Variants in ZNF385D observed in about 807,000 individuals in gnomAD.
ZNF385D encodes the protein zinc finger protein 659.
Under a neutral mutation model 35.8 loss-of-function variants are expected in ZNF385D, and 15 were observed. The observed-to-expected ratio is 0.42, with a 90% confidence interval of 0.28 to 0.64. ZNF385D has a LOEUF of 0.64. Among genes scored for constraint, ZNF385D ranks in the 30% least tolerant of loss-of-function variants. The pLI, the probability that ZNF385D is intolerant of heterozygous loss-of-function variation, is 0.23. For missense variants in ZNF385D, 474 were observed against 494.6 expected (o/e 0.96, Z 0.39); for synonymous variants, 212 against 186.8 (o/e 1.13, Z -1.10).
At chr3:21,973,784 A>G (rs1703420976) in intron 3 of ZNF385D, among the ~76,000 whole-genome samples, 1 of 152,022 alleles carries the variant, frequency 6.6e-6, no homozygotes. Flanking sequence ...TGACAACACC[A>G]AACTATCTGA....
intron 3 of ZNF385D, among the ~76,000 whole-genome samples, chr3:22,113,414 T>C (rs1702641712): frequency 6.6e-6 from 1 of 152,154 alleles, no homozygotes; most frequent in African/African-American, 2.4e-5. Flanking sequence ...CATTTTTTCT[T>C]ATTTAAGGCA....
At position 21,539,978 on chromosome 3, in the gene ZNF385D, G is replaced by A. The variant is rs908749377; in HGVS notation, c.276+24596C>T. 6.6e-6 allele frequency among the ~76,000 whole-genome samples: 1 copy of A among 151,952 alleles called. No individual in the cohort carries two copies. The highest frequency in any genetic ancestry group is 2.4e-5 in the African/African-American group (1 of 41,376). ...GAAAATTAAAGATACATATTCCCTA[G>A]CCCAAGCCAAAACATAAAACAAAAA... is the stretch of plus-strand genomic sequence containing the variant. On this transcript the variant is annotated intron_variant, in intron 3 of 7. Coordinates refer to ENST00000281523, the MANE Select transcript of ZNF385D (RefSeq NM_024697.3). The surrounding 1 kb of genome is among the most constrained non-coding windows in gnomAD (Gnocchi z 4.0).
chr3:22,169,746 C>G (rs981232589), intron 2 of ZNF385D, among the ~76,000 whole-genome samples: 1 of 152,204 alleles, frequency 6.6e-6, no homozygotes, highest in African/African-American at 2.4e-5. Flanking sequence ...ATACTAAAAC[C>G]AAAGAGAAAA....
chr3:22,248,499 T>C (rs1213291038), intron 2 of ZNF385D, among the ~76,000 whole-genome samples: 1 of 152,186 alleles, frequency 6.6e-6, no homozygotes, highest in Non-Finnish European at 1.5e-5. Context: ...ATTATTTATA[T>C]ACAATTTAGA....
intron 3 of ZNF385D, among the ~76,000 whole-genome samples, chr3:22,166,054 C>A: frequency 7.7e-6 from 1 of 129,124 alleles, no homozygotes; most frequent in East Asian, 2.0e-4. Context: ...AGACTTGGCC[C>A]TGATCCTACC....
In ZNF385D at chr3:21,641,041, C is replaced by G. The variant is rs73819934; in HGVS notation, c.165+23845G>C. ...CCAAATCAGAACACATATTCATAAC[C>G]AAGACTGTCTGGATGCCCACCTTTA... On this transcript the variant is annotated intron_variant, in intron 2 of 7. Coordinates refer to ENST00000281523, the MANE Select transcript of ZNF385D (RefSeq NM_024697.3). 5.7e-3 allele frequency among the ~76,000 whole-genome samples: 872 copies of G among 152,148 alleles called. 3 individuals carry two copies. Among genetic ancestry groups the G allele is most frequent in the African/African-American group, 0.02 (839 of 41,548 alleles).
At chr3:21,918,987 C>G (rs1391312769) in intron 3 of ZNF385D, among the ~76,000 whole-genome samples, 1 of 152,188 alleles carries the variant, frequency 6.6e-6, no homozygotes, top group African/African-American at 2.4e-5. Context: ...CAAACACAGA[C>G]AGCCTTAATT....
In ZNF385D at chr3:21,704,307, C is replaced by T. The variant is rs529350216; in HGVS notation, c.23-39279G>A. Among the ~76,000 whole-genome samples, 6 of 152,160 alleles carry T rather than the reference C, an allele frequency of 3.9e-5. No homozygotes were observed. In the East Asian group the frequency reaches 7.8e-4, roughly 20 times the overall value. On this transcript the variant is annotated intron_variant, in intron 1 of 7. Coordinates refer to ENST00000281523, the MANE Select transcript of ZNF385D (RefSeq NM_024697.3). ...TCCTGCCAATAGCTATTGCTAAGTG[C>T]TGAATTCCAGATGAAAAGCCCTGCT...
chr3:21,818,892 C>G (rs891224098), intron 3 of ZNF385D, among the ~76,000 whole-genome samples: 1 of 152,006 alleles, frequency 6.6e-6, no homozygotes, highest in African/African-American at 2.4e-5. Context: ...AGCAAAGAAA[C>G]TGAGAAACAC....
chr3:22,059,521 A>T (rs1330010516), intron 3 of ZNF385D, among the ~76,000 whole-genome samples: 1 of 152,200 alleles, frequency 6.6e-6, no homozygotes, highest in Non-Finnish European at 1.5e-5. Context: ...TCTTTTGCAA[A>T]GCCAGAGAAT....
chr3:22,071,832 T>C (rs1469093399), intron 3 of ZNF385D, among the ~76,000 whole-genome samples: 2 of 152,188 alleles, frequency 1.3e-5, no homozygotes, highest in East Asian at 1.9e-4. Flanking sequence ...CAAGCAATCA[T>C]ACTCTTTTTG....
chr3:22,042,001 A>G (rs1262447303), intron 3 of ZNF385D, among the ~76,000 whole-genome samples: 4 of 152,182 alleles, frequency 2.6e-5, no homozygotes, highest in Non-Finnish European at 4.4e-5. Context: ...ATTGCCTTAC[A>G]AAAGTTGGAA....
rs535526927 is a variant in ZNF385D, at chr3:21,767,062, C to T, written c.326-102034G>A. Among the ~76,000 whole-genome samples the T allele has an allele frequency of 1.0e-3, 150 of 143,592 alleles. 1 individual carries two copies. The highest frequency in any genetic ancestry group is 1.5e-3 in the Non-Finnish European group (100 of 65,674). The allele number at this position is 143,592 out of a possible 152,430, so 94.2% of individuals were successfully genotyped here. ...AGTGGTTAAATAATGTGCGTACAAC[C>T]CCCCCACCCACCCTCACACACACAT... On this transcript the variant is annotated intron_variant, in intron 3 of 5. Transcript: ENST00000494108.
At chr3:22,094,410 A>ATATATATCAAC in intron 3 of ZNF385D, among the ~76,000 whole-genome samples, 1 of 83,450 alleles carries the variant, frequency 1.2e-5, no homozygotes, top group Non-Finnish European at 2.8e-5. Flanking sequence ...ATATATATAT[A>ATATATATCAAC]AAGGCATTTG....
chr3:21,499,197 C>T (rs528005927), intron 4 of ZNF385D, among the ~76,000 whole-genome samples: 2 of 152,078 alleles, frequency 1.3e-5, no homozygotes, highest in South Asian at 2.1e-4. Context: ...ACTTGCAGTA[C>T]GATTCACAAT....
chr3:22,041,618 A>T (rs886904330), intron 3 of ZNF385D, among the ~76,000 whole-genome samples: 1 of 152,182 alleles, frequency 6.6e-6, no homozygotes, highest in Non-Finnish European at 1.5e-5. Flanking sequence ...CTGAACACTA[A>T]AATAGGCTCA....
At chr3:22,034,483 T>C (rs1434855299) in intron 3 of ZNF385D, among the ~76,000 whole-genome samples, 3 of 152,088 alleles carry the variant, frequency 2.0e-5, no homozygotes, top group Non-Finnish European at 4.4e-5. Flanking sequence ...TTATTGTAAA[T>C]TTGATCTCAA....
intron 2 of ZNF385D, among the ~76,000 whole-genome samples, chr3:22,198,769 C>A (rs1269429434): frequency 6.6e-6 from 1 of 152,138 alleles, no homozygotes; most frequent in South Asian, 2.1e-4. Flanking sequence ...AGTAAACAAC[C>A]TTTCCCCAAT....
chr3:21,640,638 T>C (rs762805899), intron 2 of ZNF385D, among the ~76,000 whole-genome samples: 2 of 152,122 alleles, frequency 1.3e-5, no homozygotes, highest in Non-Finnish European at 2.9e-5. Context: ...AGGAAGTCCC[T>C]TGCCAAACAC....
Sources: allele counts gnomAD v4.1 joint callset (sites outside exome capture counted in the v4.1 genomes callset), GRCh38; gene constraint gnomAD v4.1.1; non-coding constraint Gnocchi (gnomAD v3.1); transcripts MANE v1.5; gene names NCBI Gene and HGNC (gene_info 2026-07-23, HGNC 2026-07-21).